The following ANGPT2 variants were observed in gnomAD, a reference collection of about 807,000 sequenced individuals.
ANGPT2 encodes angiopoietin 2.
Under a neutral mutation model 62.9 loss-of-function variants are expected in ANGPT2, and 28 were observed. The observed-to-expected ratio is 0.44, with a 90% CI of 0.33 to 0.61. ANGPT2 has a LOEUF of 0.61. Ranked by LOEUF, ANGPT2 falls within the 20% of genes least tolerant of loss-of-function variation. The pLI is 0.03. For synonymous variants in ANGPT2, 284 were observed against 207.8 expected (o/e 1.37, Z -3.15); for missense variants, 727 against 594.9 (o/e 1.22, Z -2.31).
At chr8:6,529,480 C>A (rs1819034387) in intron 2 of ANGPT2, among the ~76,000 whole-genome samples, 2 of 147,100 alleles carry the variant, frequency 1.4e-5, no homozygotes, top group South Asian at 4.3e-4. Flanking sequence ...GAGACAGAGT[C>A]TCACTCTGTT....
intron 1 of ANGPT2, among the ~76,000 whole-genome samples, chr8:6,548,078 C>A (rs988071742): frequency 6.6e-6 from 1 of 152,072 alleles, no homozygotes; most frequent in Admixed American, 6.6e-5. Flanking sequence ...TTTACTGAAT[C>A]CCCCCTAGCG....
intron 1 of ANGPT2, among the ~76,000 whole-genome samples, chr8:6,561,954 C>T (rs761793037): frequency 6.6e-6 from 1 of 152,110 alleles, no homozygotes; most frequent in Non-Finnish European, 1.5e-5. Context: ...AACCGTCCCA[C>T]GTGGGGACGC....
At chr8:6,549,461 G>C (rs1823210014) in intron 1 of ANGPT2, among the ~76,000 whole-genome samples, 1 of 152,234 alleles carries the variant, frequency 6.6e-6, no homozygotes, top group Non-Finnish European at 1.5e-5. Flanking sequence ...ATATTGACGA[G>C]GAGGGGCCTG....
intron 5 of ANGPT2, among the ~76,000 whole-genome samples, chr8:6,516,176 G>A (rs1362187676): frequency 1.3e-5 from 2 of 152,326 alleles, no homozygotes; most frequent in South Asian, 2.1e-4. Flanking sequence ...TTAATCTGAT[G>A]TAGAAAATCA....
intron 1 of ANGPT2, among the ~76,000 whole-genome samples, chr8:6,540,310 A>G (rs1380414203): frequency 6.6e-6 from 1 of 152,166 alleles, no homozygotes; most frequent in Non-Finnish European, 1.5e-5. Flanking sequence ...AAAATGTTCC[A>G]TTTATTTTCT....
chr8:6,500,230 T>C lies in ANGPT2; in HGVS notation c.*2871A>G, dbSNP rs910379362. On this transcript the variant is annotated 3_prime_UTR_variant, in exon 9 of 9. Transcript: ENST00000629816. The stretch of plus-strand genomic sequence containing the variant: ...CTGAATTCTTGGGCAGGTAGTCTTA[T>C]ATCTTGCTTAATGTTTTTACTGTTA... The C allele has an allele frequency of 2.6e-6, 1 of 383,256 alleles. No individual in the cohort carries two copies. The highest frequency in any genetic ancestry group is 4.9e-6 in the Non-Finnish European group (1 of 203,372). The allele number at this position is 383,256 out of a possible 1,614,324, so 23.7% of individuals were successfully genotyped here.
At position 6,519,950 on chromosome 8, in the gene ANGPT2, T is replaced by C; in HGVS notation, c.841A>G (p.Arg281Gly). The change falls in exon 5 of 9, where the codon AGA becomes GGA. Residue 281 changes from arginine (R) to glycine (G), a missense_variant. Physicochemically the swap from Arg to Gly is moderately radical, Grantham distance 125. Transcript: ENST00000629816. ...GATTTGAATACTTCAGCACAGTCTC[T>C]GAAGCTGATTTGTTCTTCTTTAGCA... ...TVAKEEQISF[R>G]DCAEVFKSGH... The C allele has an allele frequency of 6.2e-7, 1 of 1,614,136 alleles. No homozygotes were observed. The highest frequency in any genetic ancestry group is 1.6e-4 in the Middle Eastern group (1 of 6,062).
chr8:6,521,362 T>A lies in ANGPT2; in HGVS notation c.615A>T (p.Gln205His), dbSNP rs1817301307. The change falls in exon 4 of 9, where the codon CAA becomes CAT. Residue 205 changes from glutamine to histidine, a missense_variant. By Grantham distance (24) the Gln-to-His change is conservative. Coordinates refer to ENST00000629816, the MANE Select transcript of ANGPT2 (RefSeq NM_001118887.2). ...CTTTCTCTTCTTTTATTGACTGTAG[T>A]TGGATGATGTGCTTGTCTTCCATAG... ...VLAMEDKHIIQLQSIKEEKDQ... is the reference protein window; with the variant it reads ...VLAMEDKHIIHLQSIKEEKDQ... 3 of 1,613,588 alleles carry A rather than the reference T, an allele frequency of 1.9e-6. No homozygotes were observed. The highest frequency in any genetic ancestry group is 2.5e-6 in the Non-Finnish European group (3 of 1,179,944).
Position 6,529,711 on chromosome 8 carries a change from CA to C in ANGPT2, c.445-2036del, listed in dbSNP as rs1372946410. 4.0e-5 allele frequency among the ~76,000 whole-genome samples: 6 copies of C among 150,900 alleles called. No homozygotes were observed. In the East Asian group the frequency reaches 1.2e-3, roughly 29 times the overall value. On this transcript the variant is annotated intron_variant, in intron 2 of 8. Transcript: ENST00000629816. The stretch of plus-strand genomic sequence containing the variant: ...GACTCCTGATCTCAAGCGATCCACC[CA>C]CCTCGGCCTCTCAAAGTGCTAGGAT...
intron 3 of ANGPT2, among the ~76,000 whole-genome samples, chr8:6,526,147 C>A (rs777408160): frequency 2.7e-5 from 4 of 150,796 alleles, no homozygotes; most frequent in African/African-American, 9.7e-5. Context: ...ACGCCAGGTA[C>A]GGTGGCTCAT....
At position 6,509,414 on chromosome 8, in the gene ANGPT2, T is replaced by C. The variant is rs1041094914; in HGVS notation, c.1197-352A>G. The stretch of plus-strand genomic sequence containing the variant: ...CTCCCAGGTCTCCAGTCATCTTCCA[T>C]AGAGACGGAGTCCTGAGACAACTGG... On this transcript the variant is annotated intron_variant, in intron 7 of 8. Coordinates refer to ENST00000629816, the MANE Select transcript of ANGPT2 (RefSeq NM_001118887.2). Among the ~76,000 whole-genome samples the C allele has an allele frequency of 9.8e-5, 15 of 152,326 alleles. 1 individual carries two copies. Among genetic ancestry groups the C allele is most frequent in the African/African-American group, 3.6e-4 (15 of 41,582 alleles).
chr8:6,530,683 A>G (rs1385355063), intron 2 of ANGPT2, among the ~76,000 whole-genome samples: 2 of 152,174 alleles, frequency 1.3e-5, no homozygotes, highest in South Asian at 2.1e-4. Flanking sequence ...ATATTTATGT[A>G]TGTTTTTCTT....
chr8:6,519,750 A>T, intron 5 of ANGPT2, 114 bp downstream of exon 5: 2 of 1,359,862 alleles, frequency 1.5e-6, no homozygotes, highest in Non-Finnish European at 2.0e-6. Context: ...ATGGCTTTGT[A>T]CTGTGTGAGG....
intron 7 of ANGPT2, 124 bp from the exon 8 acceptor site, chr8:6,509,186 G>C: frequency 8.1e-7 from 1 of 1,234,148 alleles, no homozygotes; most frequent in Non-Finnish European, 1.1e-6. Flanking sequence ...ATGGACTAAT[G>C]CATACTCTGG....
intron 2 of ANGPT2, among the ~76,000 whole-genome samples, chr8:6,531,097 C>T (rs988586042): frequency 3.9e-5 from 6 of 152,096 alleles, no homozygotes; most frequent in African/African-American, 1.4e-4. Flanking sequence ...CGGGCTTGGC[C>T]GCCGAGAGTC....
chr8:6,560,324 A>G (rs1157707435), intron 1 of ANGPT2, among the ~76,000 whole-genome samples: 1 of 152,220 alleles, frequency 6.6e-6, no homozygotes, highest in East Asian at 1.9e-4. Context: ...GTTAGGTTGT[A>G]ATGATAACCC....
chr8:6,501,373 C>G lies in ANGPT2; in HGVS notation c.*1728G>C, dbSNP rs1339788408. 6.6e-6 allele frequency: 1 copy of G among 152,116 alleles called. No homozygotes were observed. The highest frequency in any genetic ancestry group is 1.5e-5 in the Non-Finnish European group (1 of 68,020). The allele number at this position is 152,116 out of a possible 1,614,324, so 9.4% of individuals were successfully genotyped here. On this transcript the variant is annotated 3_prime_UTR_variant, in exon 9 of 9. Transcript: ENST00000629816. Reference sequence around the variant, plus strand: ...TGCTAGTTACAGACTGGACTCTGAACTTCCTTGCAAATGATTCAGAAAAGA... The same window carrying G: ...TGCTAGTTACAGACTGGACTCTGAAGTTCCTTGCAAATGATTCAGAAAAGA...
chr8:6,558,045 T>C (rs142037280), intron 1 of ANGPT2, among the ~76,000 whole-genome samples: 15 of 152,326 alleles, frequency 9.8e-5, no homozygotes, highest in African/African-American at 3.6e-4. Context: ...CACGCACCTT[T>C]AGTTACCTCA....
intron 1 of ANGPT2, among the ~76,000 whole-genome samples, chr8:6,555,540 C>A (rs949487885): frequency 1.3e-5 from 2 of 151,574 alleles, no homozygotes; most frequent in Non-Finnish European, 2.9e-5. Context: ...TGGCTCACTG[C>A]AGCCTGTGCC....
Sources: gnomAD v4.1 joint callset for allele counts (sites outside exome capture counted in the v4.1 genomes callset) on GRCh38, gnomAD v4.1.1 for gene constraint, MANE v1.5 for transcripts, NCBI Gene and HGNC (gene_info 2026-07-23, HGNC 2026-07-21) for gene names.